Variants in SOX5 observed in about 807,000 individuals in gnomAD.
SOX5 encodes transcription factor SOX-5.
In SOX5, 9 loss-of-function variants were observed where a neutral mutation model predicts 92.0. The ratio of observed to expected loss-of-function variants is 0.10; its 90% confidence interval spans 0.06 to 0.17. The LOEUF (loss-of-function observed/expected upper bound fraction) is 0.17, where lower values mean the gene tolerates loss of function less well. SOX5 is among the 10% of genes least tolerant of loss of function. The probability of loss-of-function intolerance (pLI) is 1.00; values close to 1 mark genes in which losing one functional copy is unlikely to be tolerated. For synonymous variants in SOX5, 344 were observed against 336.3 expected (o/e 1.02, Z -0.25); for missense variants, 642 against 944.5 (o/e 0.68, Z 4.20).
At chr12:24,551,893 T>C (rs1953218185) in intron 1 of SOX5, among the ~76,000 whole-genome samples, 1 of 152,238 alleles carries the variant, frequency 6.6e-6, no homozygotes. Flanking sequence ...CTTCTGTGTG[T>C]TTTTATTCAT....
chr12:24,004,425 A>T (rs759095662), intron 4 of SOX5, among the ~76,000 whole-genome samples: 1 of 152,134 alleles, frequency 6.6e-6, no homozygotes, highest in Non-Finnish European at 1.5e-5. Context: ...ACTCAATAAA[A>T]GAAACAGCTC....
At chr12:24,446,075 T>G (rs1238373411) in intron 1 of SOX5, among the ~76,000 whole-genome samples, 1 of 152,180 alleles carries the variant, frequency 6.6e-6, no homozygotes, top group Admixed American at 6.5e-5. Flanking sequence ...TAACAAATAT[T>G]TATTGCAATC....
intron 2 of SOX5, among the ~76,000 whole-genome samples, chr12:24,335,266 G>GC (rs1432876863): frequency 8.8e-5 from 7 of 79,640 alleles, no homozygotes; most frequent in Non-Finnish European, 1.1e-4. Context: ...TTTCAGAGGG[G>GC]CCCAAAAAAA....
chr12:24,403,502 T>G (rs1962228414), intron 1 of SOX5, among the ~76,000 whole-genome samples: 2 of 152,262 alleles, frequency 1.3e-5, no homozygotes, highest in African/African-American at 4.8e-5. Flanking sequence ...GTTCTTACAC[T>G]GTGAGCATTT....
At chr12:24,278,661 TG>T in intron 2 of SOX5, among the ~76,000 whole-genome samples, 1 of 152,042 alleles carries the variant, frequency 6.6e-6, no homozygotes, top group African/African-American at 2.4e-5. Context: ...CAGTAAGCTG[TG>T]GTTGCGTCAC....
chr12:24,040,346 C>G (rs561797302), intron 4 of SOX5, among the ~76,000 whole-genome samples: 1 of 152,018 alleles, frequency 6.6e-6, no homozygotes, highest in Non-Finnish European at 1.5e-5. Flanking sequence ...TGAAACTGCT[C>G]CAAGTAAAAA....
At chr12:23,842,906 A>G (rs2096535144) in intron 3 of SOX5, among the ~76,000 whole-genome samples, 1 of 152,158 alleles carries the variant, frequency 6.6e-6, no homozygotes, top group African/African-American at 2.4e-5. Flanking sequence ...TTCAAACAGT[A>G]TGGTGTAGAA....
chr12:24,514,352 T>C (rs1463630614), intron 1 of SOX5, among the ~76,000 whole-genome samples: 1 of 152,192 alleles, frequency 6.6e-6, no homozygotes, highest in African/African-American at 2.4e-5. Flanking sequence ...TTTACTGAAG[T>C]TGCAGACCAA....
chr12:24,466,277 G>A (rs921054007), intron 1 of SOX5, among the ~76,000 whole-genome samples: 1 of 150,108 alleles, frequency 6.7e-6, no homozygotes, highest in Non-Finnish European at 1.5e-5. Flanking sequence ...GAATCTTGCT[G>A]TATAGCCCAG....
intron 3 of SOX5, among the ~76,000 whole-genome samples, chr12:23,774,357 G>C (rs1347659446): frequency 2.6e-5 from 4 of 152,062 alleles, no homozygotes; most frequent in Non-Finnish European, 5.9e-5. Flanking sequence ...TACATATTTT[G>C]GTTATAATTG....
intron 1 of SOX5, among the ~76,000 whole-genome samples, chr12:24,411,862 C>T (rs1340926026): frequency 6.6e-6 from 1 of 151,902 alleles, no homozygotes; most frequent in Non-Finnish European, 1.5e-5. Flanking sequence ...TGGTTTCAAT[C>T]CCTCTTTAAA....
chr12:23,934,619 T>C (rs1323942210), intron 1 of SOX5, among the ~76,000 whole-genome samples: 2 of 151,142 alleles, frequency 1.3e-5, no homozygotes, highest in Non-Finnish European at 3.0e-5. Context: ...ATGTTCAGCA[T>C]AATTTACTTG....
At chr12:24,158,059 A>T (rs987345362) in intron 4 of SOX5, among the ~76,000 whole-genome samples, 1 of 152,102 alleles carries the variant, frequency 6.6e-6, no homozygotes, top group Non-Finnish European at 1.5e-5. Flanking sequence ...TTATTAAAGT[A>T]AAGGCAATTT....
At chr12:24,223,323 G>A (rs1960975244) in intron 3 of SOX5, 1 of 152,144 alleles carries the variant, frequency 6.6e-6, no homozygotes. Flanking sequence ...TCCTCCAAAA[G>A]GTATTGAATA....
At chr12:23,829,580 A>G (rs2096282215) in intron 3 of SOX5, among the ~76,000 whole-genome samples, 1 of 152,224 alleles carries the variant, frequency 6.6e-6, no homozygotes, top group South Asian at 2.1e-4. Context: ...TAAGTGATCT[A>G]TGAATTGAAA....
chr12:23,539,049 C>G (rs1397375521), intron 13 of SOX5, among the ~76,000 whole-genome samples: 1 of 151,910 alleles, frequency 6.6e-6, no homozygotes, highest in Middle Eastern at 3.4e-3. Flanking sequence ...TCGTGATCTG[C>G]CCGGTTCGGC....
At chr12:24,350,544 G>T (rs1258042850) in intron 2 of SOX5, among the ~76,000 whole-genome samples, 3 of 152,058 alleles carry the variant, frequency 2.0e-5, no homozygotes, top group African/African-American at 7.2e-5. Context: ...GGTTATTCCT[G>T]TGTTGGCCAG....
At chr12:23,719,035 G>A (rs1300423332) in intron 6 of SOX5, among the ~76,000 whole-genome samples, 2 of 152,190 alleles carry the variant, frequency 1.3e-5, no homozygotes, top group African/African-American at 4.8e-5. Flanking sequence ...ACATGGTTTT[G>A]AGAGTTTTTG....
At chr12:23,817,591 A>G (rs1276425840) in intron 3 of SOX5, among the ~76,000 whole-genome samples, 11 of 152,234 alleles carry the variant, frequency 7.2e-5, no homozygotes. Flanking sequence ...TTGTTTTTGC[A>G]TAAGCACTTA....
Sources: gnomAD v4.1 joint callset for allele counts (sites outside exome capture counted in the v4.1 genomes callset) on GRCh38, gnomAD v4.1.1 for gene constraint, MANE v1.5 for transcripts, NCBI Gene and HGNC (gene_info 2026-07-23, HGNC 2026-07-21) for gene names.